RNF111: variants seen among roughly 807,000 people sequenced by gnomAD.
RNF111 encodes the protein E3 ubiquitin-protein ligase Arkadia.
RNF111 carries 17 observed loss-of-function variants against 95.1 expected under a neutral mutation model. The observed-to-expected ratio is 0.18, with a 90% CI of 0.12 to 0.27. The LOEUF is 0.27. Among genes scored for constraint, RNF111 ranks in the 10% least tolerant of loss-of-function variants. RNF111 has a pLI of 1.00. For missense variants in RNF111, 1,189 were observed against 1,210.4 expected (o/e 0.98, Z 0.26); for synonymous variants, 440 against 414.8 (o/e 1.06, Z -0.74).
chr15:59,030,217 G>A (rs540075604), intron 1 of RNF111, among the ~76,000 whole-genome samples: 1 of 152,200 alleles, frequency 6.6e-6, no homozygotes, highest in South Asian at 2.1e-4. Flanking sequence ...AAATGCAGTA[G>A]TTGTGTCTAC....
Position 59,085,708 on chromosome 15 carries a change from G to A in RNF111, c.2473G>A (p.Ala825Thr). Residue 825 changes from alanine to threonine, a missense_variant, in exon 10 of 14, where the codon GCA becomes ACA. By Grantham distance (58) the Ala-to-Thr change is moderately conservative (BLOSUM62 0). This residue lies in a region of RNF111 where 165 missense variants were observed against 284.6 expected (regional missense o/e 0.58). Coordinates refer to ENST00000348370, the MANE Select transcript of RNF111 (RefSeq NM_017610.8). ...GACTGCAGCTACTTATACACCTGGT[G>A]CATTGCATCCTCACTTGGCCCATTA... Reference protein sequence around the residue: ...GVTAATYTPGALHPHLAHYHA... With the variant: ...GVTAATYTPGTLHPHLAHYHA... 1 of 1,613,600 alleles carries A rather than the reference G, an allele frequency of 6.2e-7. No homozygotes were observed. The highest frequency in any genetic ancestry group is 8.5e-7 in the Non-Finnish European group (1 of 1,179,688).
At chr15:59,086,372 G>A (rs186285494) in intron 10 of RNF111, among the ~76,000 whole-genome samples, 2 of 152,296 alleles carry the variant, frequency 1.3e-5, no homozygotes, top group Admixed American at 6.5e-5. Context: ...GCCCACCTTG[G>A]CCTCCCAAAG....
chr15:58,996,868 C>T (rs563023004), intron 1 of RNF111, among the ~76,000 whole-genome samples: 2 of 151,956 alleles, frequency 1.3e-5, no homozygotes, highest in Non-Finnish European at 1.5e-5. Context: ...AAAAGACTTA[C>T]AATGAAAAAC....
At chr15:59,089,626 A>T (rs1431564015) in intron 10 of RNF111, 41 bp from the exon 11 acceptor site, 1 of 1,413,464 alleles carries the variant, frequency 7.1e-7, no homozygotes, top group East Asian at 2.3e-5. Flanking sequence ...TCACAAGTCT[A>T]TTCTTAAAAT....
At chr15:59,056,149 C>T (rs2042191834) in intron 4 of RNF111, among the ~76,000 whole-genome samples, 1 of 152,026 alleles carries the variant, frequency 6.6e-6, no homozygotes, top group South Asian at 2.1e-4. Flanking sequence ...CTTTAACTTG[C>T]CATGAAAAAG....
At chr15:59,090,150 A>G (rs1167860382) in intron 11 of RNF111, among the ~76,000 whole-genome samples, 1 of 152,168 alleles carries the variant, frequency 6.6e-6, no homozygotes, top group Non-Finnish European at 1.5e-5. Flanking sequence ...GTCTTGTTTG[A>G]ATTTTCAGGA....
chr15:59,059,160 C>T (rs529763421), intron 5 of RNF111, among the ~76,000 whole-genome samples: 120 of 151,948 alleles, frequency 7.9e-4, no homozygotes, highest in Admixed American at 6.8e-3. Context: ...ACAAAAAGCC[C>T]CAACCCAACA....
At chr15:59,085,573 T>C (rs2078874112) in intron 9 of RNF111, 86 bp from the exon 10 acceptor site, 9 of 1,208,672 alleles carry the variant, frequency 7.4e-6, no homozygotes, top group Middle Eastern at 2.5e-4. Context: ...CTTAGATTAC[T>C]TTTTTAAGTG....
chr15:59,051,621 T>A (rs2141960501), intron 2 of RNF111, among the ~76,000 whole-genome samples: 1 of 151,230 alleles, frequency 6.6e-6, no homozygotes, highest in Admixed American at 6.6e-5. Flanking sequence ...ACTAAAAAAT[T>A]AGCCTGGTGT....
chr15:59,073,411 G>A (rs2043026949), intron 6 of RNF111, among the ~76,000 whole-genome samples: 1 of 151,938 alleles, frequency 6.6e-6, no homozygotes, highest in Admixed American at 6.6e-5. Context: ...AACCTGGGAG[G>A]TGGAAGTTGC....
intron 1 of RNF111, among the ~76,000 whole-genome samples, chr15:59,018,224 A>G (rs1307560845): frequency 6.6e-6 from 1 of 152,232 alleles, no homozygotes; most frequent in African/African-American, 2.4e-5. Flanking sequence ...CTAGATTTGT[A>G]GACTAACATC....
chr15:59,011,673 G>A (rs1224651440), intron 1 of RNF111, among the ~76,000 whole-genome samples: 1 of 152,232 alleles, frequency 6.6e-6, no homozygotes, highest in South Asian at 2.1e-4. Flanking sequence ...TGCTTTGTGT[G>A]TTTAAATTTC....
At chr15:58,998,871 C>T (rs1346473848) in intron 1 of RNF111, among the ~76,000 whole-genome samples, 8 of 152,102 alleles carry the variant, frequency 5.3e-5, no homozygotes, top group African/African-American at 1.4e-4. Context: ...GAAAGAGGTG[C>T]GTAACTTGGT....
rs76410470 is a variant in RNF111, at chr15:59,003,015, A to T, written c.-20+14947A>T. On this transcript the variant is annotated intron_variant, in intron 1 of 13. Coordinates refer to ENST00000348370, the MANE Select transcript of RNF111 (RefSeq NM_017610.8). ...TCCTTTTTTGTGATAAGATCTCATT[A>T]TGTTGCCAGCGCGGGATTGCAGTTG... Among the ~76,000 whole-genome samples, 9 of 152,266 alleles carry T rather than the reference A, an allele frequency of 5.9e-5. No homozygotes were observed. In the East Asian group the frequency reaches 1.7e-3, roughly 29 times the overall value.
intron 7 of RNF111, 127 bp downstream of exon 7, chr15:59,076,342 A>G: frequency 1.8e-6 from 2 of 1,084,330 alleles, no homozygotes; most frequent in East Asian, 2.4e-5. Flanking sequence ...AGAGTAGGGT[A>G]TATTTTTTCC....
intron 13 of RNF111, 77 bp from the exon 14 acceptor site, chr15:59,094,706 A>G: frequency 1.2e-6 from 1 of 817,756 alleles, no homozygotes; most frequent in Non-Finnish European, 2.1e-6. Flanking sequence ...TTATTGAATT[A>G]TTACATATAT....
chr15:59,047,105 G>A (rs1469591642), intron 2 of RNF111, among the ~76,000 whole-genome samples: 2 of 152,100 alleles, frequency 1.3e-5, no homozygotes, highest in African/African-American at 4.8e-5. Flanking sequence ...TTACAGGCAT[G>A]AGCCATCATG....
intron 1 of RNF111, among the ~76,000 whole-genome samples, chr15:59,006,746 A>G (rs1294399465): frequency 6.6e-6 from 1 of 152,182 alleles, no homozygotes. Context: ...AAAAAACTAC[A>G]GTTTCATGTC....
chr15:59,053,540 C>T (rs533777037), intron 3 of RNF111, among the ~76,000 whole-genome samples: 3 of 152,294 alleles, frequency 2.0e-5, no homozygotes, highest in Non-Finnish European at 2.9e-5. Flanking sequence ...ATTTTAGCAT[C>T]GAAGTGCTAC....
Sources: gnomAD v4.1 joint callset for allele counts (sites outside exome capture counted in the v4.1 genomes callset) on GRCh38, gnomAD v4.1.1 for gene constraint, gnomAD v4.1.1 regional missense constraint, MANE v1.5 for transcripts, NCBI Gene and HGNC (gene_info 2026-07-23, HGNC 2026-07-21) for gene names.